Variants in ARHGEF10 observed in about 807,000 individuals in gnomAD.
ARHGEF10 encodes the protein Rho guanine nucleotide exchange factor 10.
In ARHGEF10, 140 loss-of-function variants were observed where a neutral mutation model predicts 147.4. The observed-to-expected ratio is 0.95, with a 90% CI of 0.83 to 1.09. ARHGEF10 has a LOEUF of 1.09. ARHGEF10 is among the 50% of genes least tolerant of loss of function. The probability of loss-of-function intolerance (pLI) is 0.00; values close to 1 mark genes in which losing one functional copy is unlikely to be tolerated. For missense variants in ARHGEF10, 2,222 were observed against 1,752.7 expected (o/e 1.27, Z -4.78); for synonymous variants, 902 against 695.8 (o/e 1.30, Z -4.67).
At chr8:1,924,604 C>T (rs1812546330) in intron 21 of ARHGEF10, among the ~76,000 whole-genome samples, 1 of 152,226 alleles carries the variant, frequency 6.6e-6, no homozygotes, top group Non-Finnish European at 1.5e-5. Context: ...AGGGCTTTGT[C>T]CCGGACGGGA....
intron 2 of ARHGEF10, among the ~76,000 whole-genome samples, chr8:1,855,841 T>A (rs1313014725): frequency 6.6e-6 from 1 of 152,154 alleles, no homozygotes; most frequent in Non-Finnish European, 1.5e-5. Flanking sequence ...AGAAAACAGT[T>A]TTTTTGTTTG....
chr8:1,955,642 A>G (rs1585681090), intron 28 of ARHGEF10, among the ~76,000 whole-genome samples: 1 of 152,174 alleles, frequency 6.6e-6, no homozygotes, highest in South Asian at 2.1e-4. Context: ...TCCTGAAAGG[A>G]GGTGCACTCT....
At chr8:1,946,057 GAGAGGCCAAC>G in intron 27 of ARHGEF10, 1 of 365,926 alleles carries the variant, frequency 2.7e-6, no homozygotes, top group South Asian at 2.5e-5. Context: ...GGCTGTTGGG[GAGAGGCCAAC>G]AGAGGCCTAT....
chr8:1,914,395 C>T (rs1210819573), intron 18 of ARHGEF10, among the ~76,000 whole-genome samples: 9 of 152,238 alleles, frequency 5.9e-5, no homozygotes, highest in South Asian at 4.1e-4. Context: ...CCAGGAGTGA[C>T]GGGTTAGCCC....
chr8:1,898,507 G>A lies in ARHGEF10; in HGVS notation c.1632G>A (p.Gln544=). 6.2e-7 allele frequency: 1 copy of A among 1,614,154 alleles called. No homozygotes were observed. Among genetic ancestry groups the A allele is most frequent in the Non-Finnish European group, 8.5e-7 (1 of 1,180,024 alleles). The change falls in exon 15 of 29, where the codon CAG becomes CAA. Residue 544 remains glutamine (Q), a synonymous_variant. Coordinates refer to ENST00000349830, the MANE Select transcript of ARHGEF10 (RefSeq NM_014629.4). ...LMMKPIQRFP[Q]FILLLQDMLK... ...TGAAGCCCATCCAGAGGTTCCCACA[G>A]TTCATCCTCCTGCTCCAGGTAAGTG... is the stretch of plus-strand genomic sequence containing the variant.
intron 15 of ARHGEF10, among the ~76,000 whole-genome samples, chr8:1,900,649 C>G (rs1421908817): frequency 6.6e-6 from 1 of 152,162 alleles, no homozygotes; most frequent in Non-Finnish European, 1.5e-5. Flanking sequence ...GTACACTTTT[C>G]TTTTTTGAAA....
intron 21 of ARHGEF10, 144 bp downstream of exon 21, chr8:1,924,018 C>A: frequency 2.4e-6 from 2 of 817,270 alleles, no homozygotes; most frequent in Non-Finnish European, 4.1e-6. Flanking sequence ...CAGGAAAATT[C>A]ACCCTGGCAC....
chr8:1,891,900 T>C (rs1381743447), intron 11 of ARHGEF10, among the ~76,000 whole-genome samples: 1 of 151,258 alleles, frequency 6.6e-6, no homozygotes, highest in East Asian at 1.9e-4. Context: ...TCTTTTGACC[T>C]GATACTATAT....
At chr8:1,912,882 A>G (rs1811476032) in intron 18 of ARHGEF10, among the ~76,000 whole-genome samples, 1 of 152,186 alleles carries the variant, frequency 6.6e-6, no homozygotes, top group African/African-American at 2.4e-5. Context: ...GGGGAGGAGG[A>G]AGATCGAGCG....
At chr8:1,849,519 G>C (rs1302404035) in intron 2 of ARHGEF10, among the ~76,000 whole-genome samples, 2 of 142,122 alleles carry the variant, frequency 1.4e-5, no homozygotes, top group African/African-American at 5.4e-5. Context: ...CAGGGCAAAT[G>C]CTGAGGAGGG....
chr8:1,904,112 T>G (rs1385662085), intron 16 of ARHGEF10: 1 of 152,256 alleles, frequency 6.6e-6, no homozygotes, highest in Non-Finnish European at 1.5e-5. Flanking sequence ...AAAAAAAAAT[T>G]CACAAACATT....
rs373903309 is a variant in ARHGEF10, at chr8:1,866,621, C to T, written c.622+19C>T. ...ATGGAGAGTAAGTTCCCCAGCTGCC[C>T]ACAGCCAGAATCCTCACCACGCTCC... On this transcript the variant is annotated intron_variant, in intron 6 of 28. Coordinates refer to ENST00000349830, the MANE Select transcript of ARHGEF10 (RefSeq NM_014629.4). 17 of 1,601,726 alleles carry T rather than the reference C, an allele frequency of 1.1e-5. No individual in the cohort carries two copies. The African/African-American group carries it at 2.0e-4, about 19-fold the overall frequency.
In ARHGEF10 at chr8:1,894,461, C is replaced by G; in HGVS notation, c.1329C>G (p.Phe443Leu). The G allele has an allele frequency of 2.5e-6, 4 of 1,614,228 alleles. No individual in the cohort carries two copies. Among genetic ancestry groups the G allele is most frequent in the Non-Finnish European group, 3.4e-6 (4 of 1,180,038 alleles). ...GTGAGAGGAAGCTGAAGACGGTGTTCTACCGAGTCAAAGAGATCCTGCAGT... is the reference window on the plus strand; with the variant it reads ...GTGAGAGGAAGCTGAAGACGGTGTTGTACCGAGTCAAAGAGATCCTGCAGT... Reference protein sequence around the residue: ...VLSERKLKTVFYRVKEILQCH... With the variant: ...VLSERKLKTVLYRVKEILQCH... The change falls in exon 13 of 29, where the codon TTC (phenylalanine) becomes TTG (leucine). Residue 443 changes from phenylalanine (F) to leucine (L), a missense_variant. Transcript: ENST00000349830.
At chr8:1,925,960 C>T (rs1227764093) in intron 22 of ARHGEF10, among the ~76,000 whole-genome samples, 1 of 152,226 alleles carries the variant, frequency 6.6e-6, no homozygotes, top group Non-Finnish European at 1.5e-5. Context: ...GGTTTCCCAG[C>T]AGCTCCCCTG....
intron 28 of ARHGEF10, 70 bp downstream of exon 28, chr8:1,952,897 T>A: frequency 6.2e-7 from 1 of 1,603,650 alleles, no homozygotes; most frequent in East Asian, 2.2e-5. Context: ...CAGTGTGTAG[T>A]GTGATTTAAC....
chr8:1,952,440 A>T (rs1370479364), intron 27 of ARHGEF10, among the ~76,000 whole-genome samples: 1 of 152,238 alleles, frequency 6.6e-6, no homozygotes, highest in East Asian at 1.9e-4. Context: ...AAGCAGAGCC[A>T]TGCAGACGAC....
At chr8:1,858,136 C>T (rs773678489) in intron 3 of ARHGEF10, 21 bp downstream of exon 3, 4 of 1,602,358 alleles carry the variant, frequency 2.5e-6, no homozygotes, top group Non-Finnish European at 3.4e-6. Flanking sequence ...AGGAGGGTCC[C>T]CAGGTGAGTC....
intron 1 of ARHGEF10, among the ~76,000 whole-genome samples, chr8:1,834,054 G>C (rs1469381539): frequency 6.6e-6 from 1 of 152,220 alleles, no homozygotes; most frequent in Non-Finnish European, 1.5e-5. Flanking sequence ...TGCGACTGCA[G>C]AGGCCTGGGG....
chr8:1,835,540 T>C (rs1803528961), intron 1 of ARHGEF10, among the ~76,000 whole-genome samples: 1 of 152,194 alleles, frequency 6.6e-6, no homozygotes, highest in African/African-American at 2.4e-5. Context: ...TGACAGCTCA[T>C]GCTAGCACGC....
Sources: gnomAD v4.1 joint callset for allele counts (sites outside exome capture counted in the v4.1 genomes callset) on GRCh38, gnomAD v4.1.1 for gene constraint, MANE v1.5 for transcripts, NCBI Gene and HGNC (gene_info 2026-07-23, HGNC 2026-07-21) for gene names.